TRIM36: variants seen among roughly 807,000 people sequenced by gnomAD.
TRIM36 encodes tripartite motif containing 36.
A neutral mutation model predicts 72.4 loss-of-function variants in TRIM36; 42 were observed. The observed-to-expected ratio is 0.58, with a 90% confidence interval of 0.45 to 0.75. The LOEUF (loss-of-function observed/expected upper bound fraction) is 0.75, where lower values mean the gene tolerates loss of function less well. Among genes scored for constraint, TRIM36 ranks in the 30% least tolerant of loss-of-function variants. TRIM36 has a pLI of 0.00. For synonymous variants in TRIM36, 315 were observed against 282.8 expected, an observed-to-expected ratio of 1.11 and a Z score of -1.14; for missense variants, 913 against 857.1, an observed-to-expected ratio of 1.07 and a Z score of -0.81.
Position 115,143,222 on chromosome 5 carries a change from C to CAAAAAAA in TRIM36, c.735+1369_735+1375dup, listed in dbSNP as rs59083853. Among the ~76,000 whole-genome samples the CAAAAAAA allele has an allele frequency of 8.0e-4, 46 of 57,484 alleles. 2 individuals are homozygous for CAAAAAAA. The highest frequency in any genetic ancestry group is 1.0e-3 in the African/African-American group (13 of 12,490). The allele number at this position is 57,484 out of a possible 152,430, so 37.7% of individuals were successfully genotyped here. A position where few individuals can be genotyped will look rare whatever the true frequency, so the allele number is the denominator to read the frequency against. On this transcript the variant is annotated intron_variant, in intron 4 of 9. Transcript: ENST00000513154. Reference sequence around the variant, plus strand: ...GAGTGCCTGTTCCCCACCAGCCAGACAAAAAAAAAAAAAAAAAAAAAAAAA... The same window carrying CAAAAAAA: ...GAGTGCCTGTTCCCCACCAGCCAGACAAAAAAAAAAAAAAAAAAAAAAAAAAAAAAAA...
At chr5:115,130,019 A>G (rs1224699697) in intron 9 of TRIM36, among the ~76,000 whole-genome samples, 1 of 152,286 alleles carries the variant, frequency 6.6e-6, no homozygotes, top group Middle Eastern at 3.4e-3. Context: ...AGCTTTTCCT[A>G]TCATTCAGAT....
intron 9 of TRIM36, among the ~76,000 whole-genome samples, chr5:115,127,488 G>T (rs908819607): frequency 7.9e-5 from 12 of 152,176 alleles, no homozygotes; most frequent in African/African-American, 2.7e-4. Context: ...TTGAACCCAG[G>T]AAGCAGAAGT....
At chr5:115,142,259 AC>A (rs1753318344) in intron 4 of TRIM36, among the ~76,000 whole-genome samples, 1 of 152,126 alleles carries the variant, frequency 6.6e-6, no homozygotes, top group African/African-American at 2.4e-5. Context: ...ACACTATTCC[AC>A]AGGCTGAGAG....
chr5:115,149,568 T>TG (rs1264626520), intron 2 of TRIM36: 13 of 25,786 alleles, frequency 5.0e-4, no homozygotes, highest in Non-Finnish European at 7.8e-4. Context: ...CTCAGAAATT[T>TG]GAAAAAAAAA....
chr5:115,149,466 A>G (rs534697852), intron 2 of TRIM36: 1 of 150,142 alleles, frequency 6.7e-6, no homozygotes, highest in African/African-American at 2.4e-5. Context: ...TATGAAGATT[A>G]TGACCAATTA....
chr5:115,139,143 C>T (rs1424074947), intron 5 of TRIM36, among the ~76,000 whole-genome samples: 5 of 137,778 alleles, frequency 3.6e-5, no homozygotes, highest in Admixed American at 7.7e-5. Context: ...TTTTTTGAAA[C>T]GGAGTCTTGC....
chr5:115,161,131 G>A (rs143789707), intron 2 of TRIM36, among the ~76,000 whole-genome samples: 1 of 151,998 alleles, frequency 6.6e-6, no homozygotes, highest in Non-Finnish European at 1.5e-5. Flanking sequence ...TCGTGATAAA[G>A]GACTATGCTC....
intron 2 of TRIM36, among the ~76,000 whole-genome samples, chr5:115,151,680 A>G (rs1396606528): frequency 1.3e-5 from 2 of 152,212 alleles, no homozygotes; most frequent in Non-Finnish European, 2.9e-5. Flanking sequence ...CCATGGCTGA[A>G]AGACCCAAAG....
intron 1 of TRIM36, chr5:115,177,769 G>A (rs1020616264): frequency 6.2e-7 from 1 of 1,614,112 alleles, no homozygotes. Context: ...TCTTGGGAGA[G>A]ACTGCTTTCC....
In TRIM36 at chr5:115,125,139, C is replaced by A. The variant is rs1401527996; in HGVS notation, c.*1364G>T. 6.6e-6 allele frequency: 1 copy of A among 152,044 alleles called. No homozygotes were observed. Among genetic ancestry groups the A allele is most frequent in the Non-Finnish European group, 1.5e-5 (1 of 67,898 alleles). 9.4% of individuals were successfully genotyped at this position (152,044 alleles called of 1,614,324 possible). A position where few individuals can be genotyped will look rare whatever the true frequency, so the allele number is the denominator to read the frequency against. On this transcript the variant is annotated 3_prime_UTR_variant, in exon 10 of 10. Transcript: ENST00000513154. ...TCCATTAAAAATATAACAACAAGGACAACCAAAAAAAACAGGCCTAAAAGT... is the reference window on the plus strand; with the variant it reads ...TCCATTAAAAATATAACAACAAGGAAAACCAAAAAAAACAGGCCTAAAAGT...
chr5:115,133,750 A>G, intron 8 of TRIM36, 110 bp downstream of exon 8: 3 of 1,130,230 alleles, frequency 2.7e-6, no homozygotes, highest in East Asian at 2.8e-5. Flanking sequence ...GTCTTTTAAA[A>G]ACAAGAGCTG....
At chr5:115,170,497 C>T (rs1755057281), upstream of TRIM36, among the ~76,000 whole-genome samples, 1 of 152,168 alleles carries the variant, frequency 6.6e-6, no homozygotes, top group Non-Finnish European at 1.5e-5. Context: ...CCCCGCCCGC[C>T]CTCTCCGCGG....
Position 115,169,740 on chromosome 5 carries a change from G to A in TRIM36, c.-106C>T, listed in dbSNP as rs533597467. On this transcript the variant is annotated 5_prime_UTR_variant, in exon 1 of 10. Coordinates refer to ENST00000513154, the MANE Select transcript of TRIM36 (RefSeq NM_001300759.2). Reference sequence around the variant, plus strand: ...TGCGGCGGCCGTGGAGCCTCGGTCCGAAGCTGGAAGATGAGCTGGTCAGCT... The same window carrying A: ...TGCGGCGGCCGTGGAGCCTCGGTCCAAAGCTGGAAGATGAGCTGGTCAGCT... 11 of 1,441,254 alleles carry A rather than the reference G, an allele frequency of 7.6e-6. No homozygotes were observed. Among genetic ancestry groups the A allele is most frequent in the East Asian group, 5.5e-5 (2 of 36,568 alleles). 89.3% of individuals were successfully genotyped at this position (1,441,254 alleles called of 1,614,324 possible).
At chr5:115,136,763 T>C (rs1041730224) in intron 7 of TRIM36, among the ~76,000 whole-genome samples, 11 of 152,212 alleles carry the variant, frequency 7.2e-5, no homozygotes, top group African/African-American at 1.7e-4. Context: ...CAAAAATACA[T>C]ACAACATAAT....
intron 5 of TRIM36, among the ~76,000 whole-genome samples, chr5:115,139,280 CA>C (rs1753145315): frequency 6.6e-6 from 1 of 151,972 alleles, no homozygotes; most frequent in South Asian, 2.1e-4. Context: ...ACCACCAGGC[CA>C]GGCTAATTTT....
intron 9 of TRIM36, 47 bp downstream of exon 9, chr5:115,130,545 C>T: frequency 6.5e-7 from 1 of 1,548,272 alleles, no homozygotes; most frequent in Non-Finnish European, 8.7e-7. Flanking sequence ...TATTTTCAGG[C>T]TTACTTTTAA....
At chr5:115,142,792 C>T (rs1215633721) in intron 4 of TRIM36, among the ~76,000 whole-genome samples, 1 of 152,156 alleles carries the variant, frequency 6.6e-6, no homozygotes, top group African/African-American at 2.4e-5. Flanking sequence ...AAAGACAAGG[C>T]TACCTCTTAA....
chr5:115,140,591 C>T (rs906251871), intron 5 of TRIM36, among the ~76,000 whole-genome samples: 5 of 152,146 alleles, frequency 3.3e-5, no homozygotes, highest in Admixed American at 2.0e-4. Flanking sequence ...ACCTACCCCC[C>T]TCCTCAACTC....
intron 2 of TRIM36, among the ~76,000 whole-genome samples, chr5:115,154,516 A>G (rs1318102624): frequency 6.6e-6 from 1 of 152,212 alleles, no homozygotes; most frequent in Admixed American, 6.5e-5. Context: ...TACAACTGAC[A>G]CCACAGAAAT....
Sources: gnomAD v4.1 joint callset for allele counts (sites outside exome capture counted in the v4.1 genomes callset) on GRCh38, gnomAD v4.1.1 for gene constraint, MANE v1.5 for transcripts, NCBI Gene and HGNC (gene_info 2026-07-23, HGNC 2026-07-21) for gene names.